EYA4: variants seen among roughly 807,000 people sequenced by gnomAD.
EYA4 encodes the protein protein phosphatase EYA4.
EYA4 carries 31 observed loss-of-function variants against 87.9 expected under a neutral mutation model. The ratio of observed to expected loss-of-function variants is 0.35; its 90% CI spans 0.27 to 0.48. The LOEUF is 0.48. Among genes scored for constraint, EYA4 ranks in the 20% least tolerant of loss-of-function variants. The pLI is 0.99. For missense variants in EYA4, 678 were observed against 761.4 expected, an observed-to-expected ratio of 0.89 and a Z score of 1.29; for synonymous variants, 263 against 270.6, an observed-to-expected ratio of 0.97 and a Z score of 0.28.
chr6:133,264,724 A>G (rs1481387217), intron 1 of EYA4, among the ~76,000 whole-genome samples: 1 of 152,192 alleles, frequency 6.6e-6, no homozygotes, highest in Non-Finnish European at 1.5e-5. Flanking sequence ...GTCGGTCCTC[A>G]TTCCGCGGCA....
chr6:133,284,933 G>T (rs980737383), intron 2 of EYA4, among the ~76,000 whole-genome samples: 2 of 151,540 alleles, frequency 1.3e-5, no homozygotes, highest in East Asian at 1.9e-4. Flanking sequence ...CAGGGAGGAG[G>T]ATAGGAAGTG....
At chr6:133,376,146 C>T (rs1034531326) in intron 2 of EYA4, among the ~76,000 whole-genome samples, 4 of 151,774 alleles carry the variant, frequency 2.6e-5, no homozygotes, top group Non-Finnish European at 4.4e-5. Flanking sequence ...ATGCAATAAT[C>T]TGTAATATAA....
At chr6:133,361,153 C>A (rs888120235) in intron 2 of EYA4, among the ~76,000 whole-genome samples, 1 of 152,142 alleles carries the variant, frequency 6.6e-6, no homozygotes, top group Non-Finnish European at 1.5e-5. Flanking sequence ...ATCTCCATGT[C>A]CATTGTCGTT....
chr6:133,442,349 C>T (rs1289524282), intron 3 of EYA4, among the ~76,000 whole-genome samples: 2 of 152,150 alleles, frequency 1.3e-5, no homozygotes, highest in Non-Finnish European at 2.9e-5. Flanking sequence ...CACTGAGACC[C>T]TTCCTAGAGT....
intron 13 of EYA4, among the ~76,000 whole-genome samples, chr6:133,496,026 C>T (rs1797622941): frequency 6.6e-6 from 1 of 152,172 alleles, no homozygotes; most frequent in African/African-American, 2.4e-5. Flanking sequence ...TATTAAAGGT[C>T]ATGAGATGTT....
chr6:133,413,665 A>C (rs1195538614), intron 3 of EYA4, among the ~76,000 whole-genome samples: 1 of 151,940 alleles, frequency 6.6e-6, no homozygotes, highest in Admixed American at 6.6e-5. Context: ...TTTACTTACC[A>C]CACTTTTCTG....
At chr6:133,299,515 T>A (rs1252517053) in intron 2 of EYA4, among the ~76,000 whole-genome samples, 2 of 151,502 alleles carry the variant, frequency 1.3e-5, no homozygotes, top group South Asian at 4.2e-4. Context: ...ATCGAGACCA[T>A]CCTAGCTAAC....
chr6:133,308,969 T>C (rs1456345718), intron 2 of EYA4, among the ~76,000 whole-genome samples: 2 of 152,022 alleles, frequency 1.3e-5, no homozygotes, highest in African/African-American at 4.8e-5. Context: ...TTTATCTAAA[T>C]TGAATCAGAG....
rs528751175 is a variant in EYA4, at chr6:133,251,824, A to G, written c.-66+10075A>G. ...AGCAGATCTTAATATCATTTGATAT[A>G]GTCAAAAAACTCCCAGGGCTCTGCA... On this transcript the variant is annotated intron_variant, in intron 1 of 19. Coordinates refer to ENST00000355286, the MANE Select transcript of EYA4 (RefSeq NM_004100.5). Among the ~76,000 whole-genome samples, 6 of 152,330 alleles carry G rather than the reference A, an allele frequency of 3.9e-5. No individual in the cohort carries two copies. In the South Asian group the frequency reaches 1.2e-3, roughly 32 times the overall value.
intron 2 of EYA4, among the ~76,000 whole-genome samples, chr6:133,338,942 G>A (rs296419): frequency 0.81 from 123,682 of 152,020 alleles, 50,576 homozygotes; most frequent in African/African-American, 0.88. Flanking sequence ...AAAGAAGGTG[G>A]TGTCTCTGGG....
chr6:133,305,576 T>C (rs902843165), intron 2 of EYA4, among the ~76,000 whole-genome samples: 6 of 152,224 alleles, frequency 3.9e-5, no homozygotes, highest in African/African-American at 1.4e-4. Flanking sequence ...TTTTTAATCT[T>C]TGAGTTTCAC....
Position 133,273,182 on chromosome 6 carries a change from T to G in EYA4, c.-65-1534T>G, listed in dbSNP as rs113165219. On this transcript the variant is annotated intron_variant, in intron 1 of 19. Coordinates refer to ENST00000355286, the MANE Select transcript of EYA4 (RefSeq NM_004100.5). ...GTTTCACAATAGGCTGCTTGCAAGC[T>G]GAGGAGCAAGGAGAGCCAGTCCGAT... Among the ~76,000 whole-genome samples, 491 of 151,394 alleles carry G rather than the reference T, an allele frequency of 3.2e-3. 6 individuals are homozygous for G. The highest frequency in any genetic ancestry group is 0.011 in the African/African-American group (462 of 41,132).
In EYA4 at chr6:133,456,649, G is replaced by A. The variant is rs776491390; in HGVS notation, c.370+1G>A. Reference sequence around the variant, plus strand: ...GCGCTTGACACTTTTACTGGGTCAGGTAAAGCCTTTAGCTCGTGTGTCCTT... The same window carrying A: ...GCGCTTGACACTTTTACTGGGTCAGATAAAGCCTTTAGCTCGTGTGTCCTT... On this transcript the variant is annotated splice_donor_variant, in intron 6 of 19. Coordinates refer to ENST00000355286, the MANE Select transcript of EYA4 (RefSeq NM_004100.5). LOFTEE classifies it high-confidence loss of function. 1 of 1,605,744 alleles carries A rather than the reference G, an allele frequency of 6.2e-7. No individual in the cohort carries two copies. Among genetic ancestry groups the A allele is most frequent in the Middle Eastern group, 1.7e-4 (1 of 6,046 alleles).
intron 3 of EYA4, among the ~76,000 whole-genome samples, chr6:133,432,507 G>A (rs1215248420): frequency 1.4e-5 from 2 of 146,508 alleles, no homozygotes; most frequent in Admixed American, 1.4e-4. Flanking sequence ...TTTTTTTCAT[G>A]GAGACTATCA....
intron 2 of EYA4, among the ~76,000 whole-genome samples, chr6:133,296,724 G>A (rs1217749560): frequency 3.3e-5 from 5 of 152,084 alleles, no homozygotes; most frequent in Non-Finnish European, 5.9e-5. Flanking sequence ...TATGGCAAAC[G>A]ATTCCCAGCA....
chr6:133,344,325 T>TTTTCAC (rs1783039179), intron 2 of EYA4, among the ~76,000 whole-genome samples: 1 of 152,250 alleles, frequency 6.6e-6, no homozygotes, highest in African/African-American at 2.4e-5. Flanking sequence ...TGACAAGAGA[T>TTTTCAC]ATCTATGCCC....
intron 16 of EYA4, among the ~76,000 whole-genome samples, chr6:133,514,206 C>A (rs1166810137): frequency 6.6e-6 from 1 of 152,156 alleles, no homozygotes; most frequent in African/African-American, 2.4e-5. Flanking sequence ...GCATGGGGTG[C>A]TGGGGAGAAT....
chr6:133,392,693 C>T (rs1193241435), intron 3 of EYA4, among the ~76,000 whole-genome samples: 2 of 152,140 alleles, frequency 1.3e-5, no homozygotes, highest in Admixed American at 1.3e-4. Flanking sequence ...CATATAAAGC[C>T]TGAAATAATA....
chr6:133,510,973 C>T (rs894333305), intron 14 of EYA4, among the ~76,000 whole-genome samples: 10 of 152,152 alleles, frequency 6.6e-5, no homozygotes, highest in African/African-American at 2.4e-4. Flanking sequence ...CTCCAGGGCA[C>T]TTCCAGTCAG....
Sources: gnomAD v4.1 joint callset for allele counts (sites outside exome capture counted in the v4.1 genomes callset) on GRCh38, gnomAD v4.1.1 for gene constraint, MANE v1.5 for transcripts, NCBI Gene and HGNC (gene_info 2026-07-23, HGNC 2026-07-21) for gene names.